Variants in SCD5 observed in about 807,000 individuals in gnomAD.
SCD5 encodes stearoyl-CoA desaturase 5.
A neutral mutation model predicts 30.4 loss-of-function variants in SCD5; 20 were observed. The observed-to-expected ratio is 0.66, with a 90% CI of 0.46 to 0.96. The LOEUF is 0.96. Ranked by LOEUF, SCD5 falls within the 40% of genes least tolerant of loss-of-function variation. The pLI is 0.00. For synonymous variants in SCD5, 173 were observed against 176.4 expected (o/e 0.98, Z 0.16); for missense variants, 381 against 443.3 (o/e 0.86, Z 1.26).
At chr4:82,648,788 T>A (rs1303171053) in intron 3 of SCD5, among the ~76,000 whole-genome samples, 1 of 152,152 alleles carries the variant, frequency 6.6e-6, no homozygotes, top group Admixed American at 6.5e-5. Flanking sequence ...CAACTAAGAC[T>A]ATTCAATTTG....
chr4:82,695,581 C>A (rs1359451520), intron 2 of SCD5, among the ~76,000 whole-genome samples: 3 of 152,118 alleles, frequency 2.0e-5, no homozygotes, highest in Non-Finnish European at 4.4e-5. Context: ...AAGGTAGAGT[C>A]ACAACTTTGA....
At chr4:82,759,163 CA>C (rs1721294316) in intron 1 of SCD5, among the ~76,000 whole-genome samples, 1 of 152,234 alleles carries the variant, frequency 6.6e-6, no homozygotes, top group Non-Finnish European at 1.5e-5. Context: ...GTGAGTTCTT[CA>C]CAAGCATGTG....
chr4:82,702,130 CTTTTTTTTTT>C (rs10701664), intron 2 of SCD5, among the ~76,000 whole-genome samples: 12 of 64,118 alleles, frequency 1.9e-4, no homozygotes, highest in East Asian at 8.7e-4. Context: ...CCATCATCAT[CTTTTTTTTTT>C]TTTTTTTTTT....
chr4:82,679,526 G>T (rs1160636894), intron 3 of SCD5, among the ~76,000 whole-genome samples: 1 of 152,168 alleles, frequency 6.6e-6, no homozygotes, highest in Non-Finnish European at 1.5e-5. Flanking sequence ...CTCTTACTAT[G>T]TGCCAGGCAT....
At chr4:82,647,838 T>C (rs1363831739) in intron 3 of SCD5, among the ~76,000 whole-genome samples, 1 of 152,226 alleles carries the variant, frequency 6.6e-6, no homozygotes, top group Non-Finnish European at 1.5e-5. Context: ...TTTAAAAAAA[T>C]TGTTTATGTT....
intron 2 of SCD5, among the ~76,000 whole-genome samples, chr4:82,703,481 A>C (rs1326450457): frequency 6.6e-6 from 1 of 152,198 alleles, no homozygotes; most frequent in Non-Finnish European, 1.5e-5. Context: ...CTCCCCTTGC[A>C]GATAAAGGAA....
intron 1 of SCD5, among the ~76,000 whole-genome samples, chr4:82,723,444 C>T (rs1266920856): frequency 1.3e-5 from 2 of 152,114 alleles, no homozygotes; most frequent in African/African-American, 4.8e-5. Flanking sequence ...GAAGAATGAA[C>T]ATGCATTTCA....
intron 2 of SCD5, among the ~76,000 whole-genome samples, chr4:82,686,098 T>A (rs1728698165): frequency 6.6e-6 from 1 of 152,008 alleles, no homozygotes; most frequent in African/African-American, 2.4e-5. Flanking sequence ...CTCAACTACC[T>A]GGGCTCAAGC....
chr4:82,765,581 T>C (rs1327283047), intron 1 of SCD5, among the ~76,000 whole-genome samples: 3 of 152,140 alleles, frequency 2.0e-5, no homozygotes, highest in Non-Finnish European at 4.4e-5. Flanking sequence ...TGTTATACTG[T>C]ATTGCTTTTT....
chr4:82,726,560 T>TG (rs1373180642), intron 1 of SCD5, among the ~76,000 whole-genome samples: 4 of 146,194 alleles, frequency 2.7e-5, no homozygotes, highest in East Asian at 2.0e-4. Context: ...AAGCAGCTGT[T>TG]TTTTTTTTTT....
chr4:82,779,537 G>A (rs1213419669), intron 1 of SCD5, among the ~76,000 whole-genome samples: 1 of 152,210 alleles, frequency 6.6e-6, no homozygotes, highest in Non-Finnish European at 1.5e-5. Context: ...GGGCAATGCT[G>A]TCCCAGAGCT....
At chr4:82,660,318 G>A (rs1054233197) in intron 3 of SCD5, 11 of 316,158 alleles carry the variant, frequency 3.5e-5, no homozygotes, top group Non-Finnish European at 4.1e-5. Flanking sequence ...TGGACCAAGC[G>A]GACCTAACAG....
chr4:82,697,686 G>A (rs1190912705), intron 2 of SCD5, among the ~76,000 whole-genome samples: 2 of 152,172 alleles, frequency 1.3e-5, no homozygotes, highest in Non-Finnish European at 2.9e-5. Flanking sequence ...AATCCTGCCA[G>A]GTAAGTGCAG....
chr4:82,777,261 G>A, intron 1 of SCD5, among the ~76,000 whole-genome samples: 1 of 152,234 alleles, frequency 6.6e-6, no homozygotes, highest in East Asian at 1.9e-4. Flanking sequence ...AAGTCTCTGA[G>A]AAAGTGTCAA....
intron 1 of SCD5, among the ~76,000 whole-genome samples, chr4:82,777,501 A>G (rs548683463): frequency 6.6e-6 from 1 of 152,346 alleles, no homozygotes; most frequent in South Asian, 2.1e-4. Context: ...CACACAGGGT[A>G]TACTATTTCT....
chr4:82,682,995 T>C (rs1366263072), intron 2 of SCD5, among the ~76,000 whole-genome samples: 1 of 152,190 alleles, frequency 6.6e-6, no homozygotes, highest in East Asian at 1.9e-4. Flanking sequence ...TTTCTATTTT[T>C]AGTGGAGATG....
chr4:82,791,528 G>C (rs1002890461), intron 1 of SCD5, among the ~76,000 whole-genome samples: 9 of 152,186 alleles, frequency 5.9e-5, no homozygotes, highest in African/African-American at 2.2e-4. Context: ...GAGCTGAACA[G>C]AGGGAATGAG....
intron 1 of SCD5, among the ~76,000 whole-genome samples, chr4:82,785,631 T>G (rs1272219010): frequency 6.6e-6 from 1 of 152,178 alleles, no homozygotes. Flanking sequence ...AGTCTGTCTT[T>G]TGCTGCAGGG....
chr4:82,661,834 C>T (rs1316613376), intron 3 of SCD5, among the ~76,000 whole-genome samples: 1 of 152,178 alleles, frequency 6.6e-6, no homozygotes, highest in African/African-American at 2.4e-5. Context: ...AGAGAGTAAA[C>T]ATGAGAAATA....
Sources: allele counts gnomAD v4.1 joint callset (sites outside exome capture counted in the v4.1 genomes callset), GRCh38; gene constraint gnomAD v4.1.1; transcripts MANE v1.5; gene names NCBI Gene and HGNC (gene_info 2026-07-23, HGNC 2026-07-21).